RAPGEF4: variants seen among roughly 807,000 people sequenced by gnomAD.
RAPGEF4 encodes RAP guanine-nucleotide-exchange factor (GEF) 4.
Under a neutral mutation model 147.9 loss-of-function variants are expected in RAPGEF4, and 66 were observed. The ratio of observed to expected loss-of-function variants is 0.45; its 90% CI spans 0.37 to 0.55. The LOEUF is 0.55. Ranked by LOEUF, RAPGEF4 falls within the 20% of genes least tolerant of loss-of-function variation. RAPGEF4 has a pLI of 0.00. For missense variants in RAPGEF4, 1,071 were observed against 1,257.3 expected (o/e 0.85, Z 2.24); for synonymous variants, 419 against 442.7 (o/e 0.95, Z 0.67).
intron 10 of RAPGEF4, among the ~76,000 whole-genome samples, chr2:172,977,297 T>G (rs1691176897): frequency 6.6e-6 from 1 of 152,156 alleles, no homozygotes; most frequent in Non-Finnish European, 1.5e-5. Flanking sequence ...TTTTCCCCTG[T>G]CACCCCCGTA....
intron 25 of RAPGEF4, among the ~76,000 whole-genome samples, chr2:173,028,889 C>T (rs1433910774): frequency 6.6e-6 from 1 of 152,212 alleles, no homozygotes; most frequent in Non-Finnish European, 1.5e-5. Flanking sequence ...GTTCTTATTC[C>T]TCTGTTTACA....
intron 23 of RAPGEF4, among the ~76,000 whole-genome samples, chr2:173,022,047 A>G (rs1353827990): frequency 6.6e-6 from 1 of 152,148 alleles, no homozygotes; most frequent in African/African-American, 2.4e-5. Context: ...AGGATTGGGG[A>G]AAAAAATGTC....
At chr2:172,961,286 G>A in intron 8 of RAPGEF4, 58 bp downstream of exon 8, 1 of 1,326,402 alleles carries the variant, frequency 7.5e-7, no homozygotes, top group Admixed American at 1.9e-5. Flanking sequence ...AGTGAAAATG[G>A]AACAAAAATG....
chr2:173,044,632 T>A (rs1324859118), intron 29 of RAPGEF4, among the ~76,000 whole-genome samples: 1 of 152,124 alleles, frequency 6.6e-6, no homozygotes, highest in East Asian at 1.9e-4. Flanking sequence ...AGGAACATAT[T>A]CATTTTTGCA....
chr2:172,790,438 A>G (rs1332517585), intron 1 of RAPGEF4, among the ~76,000 whole-genome samples: 1 of 152,218 alleles, frequency 6.6e-6, no homozygotes, highest in Non-Finnish European at 1.5e-5. Flanking sequence ...AAGAAAATCA[A>G]TTCTCTGTAC....
At chr2:172,873,561 T>C (rs937061462) in intron 4 of RAPGEF4, among the ~76,000 whole-genome samples, 1 of 152,156 alleles carries the variant, frequency 6.6e-6, no homozygotes, top group East Asian at 1.9e-4. Context: ...TATGTACAAA[T>C]GCAATGATTT....
At chr2:172,797,487 G>T in intron 2 of RAPGEF4, 38 bp from the exon 3 acceptor site, 1 of 1,538,230 alleles carries the variant, frequency 6.5e-7, no homozygotes, top group Non-Finnish European at 8.9e-7. Context: ...AAACCAAGTT[G>T]TATCTGTTAT....
intron 18 of RAPGEF4, among the ~76,000 whole-genome samples, chr2:173,015,170 T>C (rs1346710002): frequency 2.6e-5 from 4 of 152,246 alleles, no homozygotes; most frequent in African/African-American, 7.2e-5. Context: ...AAATGGTAGA[T>C]ATTTTTGAGT....
At chr2:173,038,121 A>G (rs1363222405) in intron 29 of RAPGEF4, among the ~76,000 whole-genome samples, 1 of 152,198 alleles carries the variant, frequency 6.6e-6, no homozygotes, top group Non-Finnish European at 1.5e-5. Context: ...GATGGCAAGT[A>G]TGTCCTCAGC....
intron 4 of RAPGEF4, among the ~76,000 whole-genome samples, chr2:172,880,031 C>T (rs1323485958): frequency 1.3e-5 from 2 of 152,180 alleles, no homozygotes; most frequent in African/African-American, 4.8e-5. Context: ...AGCATACCTG[C>T]ATAGCCTGCA....
intron 1 of RAPGEF4, among the ~76,000 whole-genome samples, chr2:172,758,496 G>A (rs573693159): frequency 1.3e-5 from 2 of 152,168 alleles, no homozygotes; most frequent in Non-Finnish European, 2.9e-5. Flanking sequence ...GTGGAAGAAG[G>A]GAGAGCTATA....
intron 4 of RAPGEF4, among the ~76,000 whole-genome samples, chr2:172,885,590 G>A (rs1008561060): frequency 1.1e-4 from 16 of 152,118 alleles, no homozygotes; most frequent in South Asian, 8.3e-4. Flanking sequence ...ATGTGGCGGC[G>A]GCAAGAGAGA....
chr2:172,808,814 G>A (rs771375234), intron 3 of RAPGEF4, among the ~76,000 whole-genome samples: 9 of 152,232 alleles, frequency 5.9e-5, no homozygotes, highest in Non-Finnish European at 1.2e-4. Flanking sequence ...ACCAAGGCCC[G>A]TGGCTTTTCC....
At chr2:172,907,522 A>AG (rs1188704483) in intron 4 of RAPGEF4, among the ~76,000 whole-genome samples, 1 of 152,152 alleles carries the variant, frequency 6.6e-6, no homozygotes, top group African/African-American at 2.4e-5. Flanking sequence ...TTTCTCCATC[A>AG]CTTTGGAACT....
intron 6 of RAPGEF4, among the ~76,000 whole-genome samples, chr2:172,933,673 C>A (rs1686220919): frequency 6.6e-6 from 1 of 152,156 alleles, no homozygotes; most frequent in Non-Finnish European, 1.5e-5. Flanking sequence ...AGAATTTTAT[C>A]AGGTTTGTTT....
At chr2:172,756,510 C>T (rs756492889) in intron 1 of RAPGEF4, among the ~76,000 whole-genome samples, 9 of 152,260 alleles carry the variant, frequency 5.9e-5, no homozygotes, top group Non-Finnish European at 1.0e-4. Context: ...CTGTCATATC[C>T]CTAGTTGATT....
chr2:172,764,017 G>A (rs1035178816), intron 1 of RAPGEF4, among the ~76,000 whole-genome samples: 3 of 152,038 alleles, frequency 2.0e-5, no homozygotes, highest in African/African-American at 7.2e-5. Context: ...GTGGGAGACC[G>A]AGATGGGAGG....
At chr2:172,821,912 A>G in intron 4 of RAPGEF4, 4 of 1,613,406 alleles carry the variant, frequency 2.5e-6, no homozygotes, top group Non-Finnish European at 3.4e-6. Flanking sequence ...CAAATAAAGG[A>G]TAGATGCTCA....
At chr2:172,898,276 G>T (rs1698724983) in intron 4 of RAPGEF4, among the ~76,000 whole-genome samples, 1 of 152,186 alleles carries the variant, frequency 6.6e-6, no homozygotes. Flanking sequence ...GGAGAGGCTG[G>T]AGTGGGAACA....
Sources: allele counts gnomAD v4.1 joint callset (sites outside exome capture counted in the v4.1 genomes callset), GRCh38; gene constraint gnomAD v4.1.1; transcripts MANE v1.5; gene names NCBI Gene and HGNC (gene_info 2026-07-23, HGNC 2026-07-21).